CMKLR1: variants seen among roughly 807,000 people sequenced by gnomAD.
CMKLR1 encodes chemerin-like receptor 1.
CMKLR1 carries 6 observed loss-of-function variants against 8.2 expected under a neutral mutation model. The ratio of observed to expected loss-of-function variants is 0.73; its 90% CI spans 0.40 to 1.44. The LOEUF (loss-of-function observed/expected upper bound fraction) is 1.44. Ranked by LOEUF, CMKLR1 falls within the 40% of genes most tolerant of loss-of-function variation. CMKLR1 has a pLI of 0.02. For missense variants in CMKLR1, 429 were observed against 478.0 expected (o/e 0.90, Z 0.96); for synonymous variants, 178 against 181.2 (o/e 0.98, Z 0.14).
chr12:108,298,180 G>T (rs1033026925), intron 2 of CMKLR1, among the ~76,000 whole-genome samples: 1 of 152,194 alleles, frequency 6.6e-6, no homozygotes, highest in African/African-American at 2.4e-5. Flanking sequence ...CTAGTCTGCA[G>T]GTTTCTGCAC....
intron 1 of CMKLR1, among the ~76,000 whole-genome samples, chr12:108,337,545 C>T (rs1257101298): frequency 3.3e-5 from 5 of 152,084 alleles, no homozygotes; most frequent in Non-Finnish European, 5.9e-5. Context: ...CATTAGAACA[C>T]GGTGTGGTAG....
Position 108,290,092 on chromosome 12 carries a change from T to C in CMKLR1, c.*1749A>G, listed in dbSNP as rs1413637915. On this transcript the variant is annotated 3_prime_UTR_variant, in exon 4 of 4. Transcript: ENST00000550402. ...CACGGTAGGAGGCTGTTAATGGCTGTTGAGGGAGCTGGAAGCCAAGTGCAT... is the reference window on the plus strand; with the variant it reads ...CACGGTAGGAGGCTGTTAATGGCTGCTGAGGGAGCTGGAAGCCAAGTGCAT... 1 of 152,242 alleles carries C rather than the reference T, an allele frequency of 6.6e-6. No homozygotes were observed. Among genetic ancestry groups the C allele is most frequent in the Non-Finnish European group, 1.5e-5 (1 of 68,042 alleles). 9.4% of individuals were successfully genotyped at this position (152,242 alleles called of 1,614,324 possible).
chr12:108,305,444 C>T (rs987247536), intron 2 of CMKLR1, among the ~76,000 whole-genome samples: 1 of 152,212 alleles, frequency 6.6e-6, no homozygotes, highest in East Asian at 1.9e-4. Context: ...AAAAATGTCT[C>T]TCCTGAGCAG....
intron 2 of CMKLR1, among the ~76,000 whole-genome samples, chr12:108,326,998 T>TGA (rs138633888): frequency 2.2e-4 from 32 of 148,702 alleles, no homozygotes; most frequent in East Asian, 1.2e-3. Flanking sequence ...AAACTGAGGC[T>TGA]GAGAGAGAGA....
At chr12:108,334,339 T>G (rs992718087) in intron 1 of CMKLR1, among the ~76,000 whole-genome samples, 2 of 152,254 alleles carry the variant, frequency 1.3e-5, no homozygotes, top group African/African-American at 4.8e-5. Flanking sequence ...TACTCCCACA[T>G]GCATTTATTC....
At chr12:108,328,101 G>C (rs138384415) in intron 2 of CMKLR1, among the ~76,000 whole-genome samples, 2,110 of 152,240 alleles carry the variant, frequency 0.014, 38 homozygotes, top group South Asian at 0.053. Flanking sequence ...CATGGGGTGA[G>C]AGGGAAAAAC....
chr12:108,308,259 T>C (rs1891458102), intron 2 of CMKLR1, among the ~76,000 whole-genome samples: 1 of 152,134 alleles, frequency 6.6e-6, no homozygotes, highest in Non-Finnish European at 1.5e-5. Context: ...GCTGGTGAGG[T>C]GCTTGTCACC....
intron 2 of CMKLR1, among the ~76,000 whole-genome samples, chr12:108,326,084 G>T (rs547607706): frequency 6.6e-6 from 1 of 152,180 alleles, no homozygotes; most frequent in Non-Finnish European, 1.5e-5. Context: ...CTAACATGCA[G>T]CTTTGTCATT....
At chr12:108,319,924 C>T (rs1159006042) in intron 2 of CMKLR1, among the ~76,000 whole-genome samples, 1 of 152,148 alleles carries the variant, frequency 6.6e-6, no homozygotes, top group Non-Finnish European at 1.5e-5. Context: ...TGCCAGGTGT[C>T]AGGCTGGGAG....
intron 2 of CMKLR1, among the ~76,000 whole-genome samples, chr12:108,318,306 G>A (rs1891781212): frequency 6.6e-6 from 1 of 152,164 alleles, no homozygotes; most frequent in Non-Finnish European, 1.5e-5. Flanking sequence ...CACTCCCTTT[G>A]CACTGACTGT....
intron 2 of CMKLR1, among the ~76,000 whole-genome samples, chr12:108,297,140 G>A (rs986369156): frequency 1.3e-5 from 2 of 152,200 alleles, no homozygotes; most frequent in Non-Finnish European, 2.9e-5. Context: ...CCACCCCTGA[G>A]ACAGCAAAAC....
intron 2 of CMKLR1, among the ~76,000 whole-genome samples, chr12:108,303,150 G>A (rs1300216509): frequency 2.0e-5 from 3 of 152,208 alleles, no homozygotes; most frequent in Non-Finnish European, 1.5e-5. Context: ...CCGTTAGGCG[G>A]GAATGAACTT....
At chr12:108,304,095 C>G (rs923102552) in intron 2 of CMKLR1, among the ~76,000 whole-genome samples, 12 of 152,178 alleles carry the variant, frequency 7.9e-5, no homozygotes, top group African/African-American at 2.9e-4. Flanking sequence ...GTTGGTTGAT[C>G]GATGACAGTG....
chr12:108,320,335 G>A (rs745607081), intron 2 of CMKLR1, among the ~76,000 whole-genome samples: 1 of 152,088 alleles, frequency 6.6e-6, no homozygotes, highest in Admixed American at 6.5e-5. Flanking sequence ...ACTAGGGGAC[G>A]AAGCCCTGAG....
At position 108,291,509 on chromosome 12, in the gene CMKLR1, C is replaced by T. The variant is rs747536980; in HGVS notation, c.*332G>A. On this transcript the variant is annotated 3_prime_UTR_variant, in exon 4 of 4. Coordinates refer to ENST00000550402, the MANE Select transcript of CMKLR1 (RefSeq NM_001142343.2). ...TGGAGAGTGTCATTTCTGGGGCACA[C>T]ACAATAGGCAGCTTAATCCCACCGC... 1.5e-4 allele frequency: 40 copies of T among 273,512 alleles called. No individual in the cohort carries two copies. Among genetic ancestry groups the T allele is most frequent in the Non-Finnish European group, 2.1e-4 (30 of 144,584 alleles). 16.9% of individuals were successfully genotyped at this position (273,512 alleles called of 1,614,324 possible).
At chr12:108,322,510 G>A (rs1891886321) in intron 2 of CMKLR1, among the ~76,000 whole-genome samples, 1 of 152,092 alleles carries the variant, frequency 6.6e-6, no homozygotes, top group Admixed American at 6.5e-5. Flanking sequence ...GGTGCCCACT[G>A]GCCAACTCCT....
intron 1 of CMKLR1, among the ~76,000 whole-genome samples, chr12:108,334,604 C>A (rs1593182360): frequency 1.3e-5 from 2 of 152,328 alleles, no homozygotes; most frequent in African/African-American, 4.8e-5. Flanking sequence ...CATGCCCAGC[C>A]CTGGGGGAGC....
chr12:108,306,401 G>A (rs12301778), intron 2 of CMKLR1, among the ~76,000 whole-genome samples: 7,490 of 152,024 alleles, frequency 0.049, 630 homozygotes, highest in African/African-American at 0.17. Context: ...CCTCATTTGA[G>A]TGGGTTGTCC....
intron 1 of CMKLR1, among the ~76,000 whole-genome samples, chr12:108,333,757 G>A (rs1892160787): frequency 6.6e-6 from 1 of 152,314 alleles, no homozygotes; most frequent in South Asian, 2.1e-4. Flanking sequence ...TCACCCAGAC[G>A]TCAACATTTC....
Sources: gnomAD v4.1 joint callset for allele counts (sites outside exome capture counted in the v4.1 genomes callset) on GRCh38, gnomAD v4.1.1 for gene constraint, MANE v1.5 for transcripts, NCBI Gene and HGNC (gene_info 2026-07-23, HGNC 2026-07-21) for gene names.